LRRTM4: variants seen among roughly 807,000 people sequenced by gnomAD.
The protein encoded by LRRTM4 is leucine-rich repeat transmembrane neuronal protein 4.
Under a neutral mutation model 47.6 loss-of-function variants are expected in LRRTM4, and 25 were observed. The ratio of observed to expected loss-of-function variants is 0.53; its 90% CI spans 0.38 to 0.73. The LOEUF is 0.73. Among genes scored for constraint, LRRTM4 ranks in the 30% least tolerant of loss-of-function variants. LRRTM4 has a pLI of 0.00. For missense variants in LRRTM4, 638 were observed against 713.4 expected (o/e 0.89, Z 1.20); for synonymous variants, 311 against 269.5 (o/e 1.15, Z -1.51).
intron 3 of LRRTM4, among the ~76,000 whole-genome samples, chr2:76,945,907 ATCTGTATATCCC>A (rs1410656995): frequency 6.6e-6 from 1 of 151,982 alleles, no homozygotes; most frequent in Non-Finnish European, 1.5e-5. Flanking sequence ...AATTGTAGAA[ATCTGTATATCCC>A]TTCTCATTCT....
At chr2:77,212,195 ATTACT>A (rs577604316) in intron 3 of LRRTM4, among the ~76,000 whole-genome samples, 286 of 152,148 alleles carry the variant, frequency 1.9e-3, no homozygotes, top group African/African-American at 6.6e-3. Context: ...AGAAAAAAAC[ATTACT>A]TAAAGTTGAT....
At position 76,807,932 on chromosome 2, in the gene LRRTM4, C is replaced by CTTTCTTT. The variant is rs547545547; in HGVS notation, c.1552-59017_1552-59016insAAAGAAA. Among the ~76,000 whole-genome samples, 5 of 123,174 alleles carry CTTTCTTT rather than the reference C, an allele frequency of 4.1e-5. No homozygotes were observed. The East Asian group carries it at 9.0e-4, about 22-fold the overall frequency. 80.8% of individuals were successfully genotyped at this position (123,174 alleles called of 152,430 possible). A position where few individuals can be genotyped will look rare whatever the true frequency, so the allele number is the denominator to read the frequency against. The stretch of plus-strand genomic sequence containing the variant: ...TTCTTTTCTTTCCTTTCTTTCCTTT[C>CTTTCTTT]CTTTCTTTCTTTCTTTCTTTCTTTT... On this transcript the variant is annotated intron_variant, in intron 3 of 3. Coordinates refer to ENST00000409884, the MANE Select transcript of LRRTM4 (RefSeq NM_001134745.3).
intron 3 of LRRTM4, among the ~76,000 whole-genome samples, chr2:76,924,522 T>C (rs1345194601): frequency 6.6e-6 from 1 of 152,012 alleles, no homozygotes; most frequent in East Asian, 1.9e-4. Context: ...AAACTTCCAC[T>C]GTATGGCAAC....
chr2:77,299,101 G>C (rs1481440575), intron 3 of LRRTM4, among the ~76,000 whole-genome samples: 1 of 151,982 alleles, frequency 6.6e-6, no homozygotes, highest in African/African-American at 2.4e-5. Flanking sequence ...TCTGACCAAA[G>C]TATCAACTAA....
At chr2:76,815,541 T>C (rs1335079109) in intron 3 of LRRTM4, among the ~76,000 whole-genome samples, 2 of 152,104 alleles carry the variant, frequency 1.3e-5, no homozygotes, top group Non-Finnish European at 2.9e-5. Context: ...ATCTGACAAA[T>C]AGTGCTATGC....
At chr2:76,908,702 GACAA>G (rs1486540101) in intron 3 of LRRTM4, among the ~76,000 whole-genome samples, 1 of 152,102 alleles carries the variant, frequency 6.6e-6, no homozygotes, top group African/African-American at 2.4e-5. Flanking sequence ...ACCAATAAGA[GACAA>G]ACAGAGAGCC....
chr2:76,799,425 T>A (rs1169913398), intron 3 of LRRTM4, among the ~76,000 whole-genome samples: 1 of 127,240 alleles, frequency 7.9e-6, no homozygotes, highest in African/African-American at 3.3e-5. Context: ...AAACTCTCAA[T>A]AAATTAGGTA....
intron 3 of LRRTM4, among the ~76,000 whole-genome samples, chr2:77,186,496 T>C (rs1054605415): frequency 4.6e-5 from 7 of 152,082 alleles, no homozygotes; most frequent in African/African-American, 1.7e-4. Flanking sequence ...TTAATAAGTG[T>C]TTGCCAAATG....
chr2:77,294,650 A>G (rs1257956186), intron 3 of LRRTM4, among the ~76,000 whole-genome samples: 3 of 152,152 alleles, frequency 2.0e-5, no homozygotes, highest in African/African-American at 4.8e-5. Flanking sequence ...ATAAGACTCA[A>G]GTGTGACCTG....
intron 3 of LRRTM4, among the ~76,000 whole-genome samples, chr2:76,964,370 A>AT (rs1213559752): frequency 6.6e-6 from 1 of 151,008 alleles, no homozygotes; most frequent in African/African-American, 2.4e-5. Context: ...GGAGGAAATA[A>AT]TTTTACAGAT....
intron 3 of LRRTM4, among the ~76,000 whole-genome samples, chr2:77,021,762 T>C (rs1678278641): frequency 6.6e-6 from 1 of 152,140 alleles, no homozygotes; most frequent in Non-Finnish European, 1.5e-5. Context: ...ATTTTGAAAG[T>C]GGTTATTTAG....
At chr2:77,476,731 G>A (rs187438067) in intron 3 of LRRTM4, among the ~76,000 whole-genome samples, 33 of 152,080 alleles carry the variant, frequency 2.2e-4, no homozygotes, top group Non-Finnish European at 3.8e-4. Context: ...GTAATGGACC[G>A]AGTTTTACAA....
intron 3 of LRRTM4, among the ~76,000 whole-genome samples, chr2:76,920,469 G>C (rs1674395564): frequency 6.6e-6 from 1 of 152,054 alleles, no homozygotes; most frequent in South Asian, 2.1e-4. Flanking sequence ...TTTTTCACTT[G>C]TGTGAAAGTC....
At chr2:77,069,681 G>A (rs1003786830) in intron 3 of LRRTM4, among the ~76,000 whole-genome samples, 9 of 151,894 alleles carry the variant, frequency 5.9e-5, no homozygotes, top group African/African-American at 1.9e-4. Flanking sequence ...TCCTAGTTAT[G>A]TACAGCTTCA....
intron 3 of LRRTM4, among the ~76,000 whole-genome samples, chr2:76,899,344 CACACACACAT>C (rs1190180684): frequency 1.0e-3 from 129 of 128,586 alleles, no homozygotes; most frequent in African/African-American, 3.4e-3. Flanking sequence ...CACACACACA[CACACACACAT>C]ATATATATAT....
At chr2:76,866,468 T>C (rs1273926190) in intron 3 of LRRTM4, among the ~76,000 whole-genome samples, 1 of 152,210 alleles carries the variant, frequency 6.6e-6, no homozygotes, top group Non-Finnish European at 1.5e-5. Context: ...CTGTATTTTT[T>C]TCTTCTTTCA....
chr2:76,941,177 C>A (rs1675130164), intron 3 of LRRTM4, among the ~76,000 whole-genome samples: 1 of 151,748 alleles, frequency 6.6e-6, no homozygotes, highest in Non-Finnish European at 1.5e-5. Flanking sequence ...AAAACAAAAA[C>A]AAAAAGGAAA....
intron 3 of LRRTM4, among the ~76,000 whole-genome samples, chr2:77,377,564 T>C (rs1348075760): frequency 6.6e-6 from 1 of 152,028 alleles, no homozygotes; most frequent in East Asian, 1.9e-4. Context: ...TCTGTGTCTC[T>C]GACTTTTAAT....
chr2:77,206,205 G>T lies in LRRTM4; in HGVS notation c.1551+312113C>A, dbSNP rs184895272. ...TTTTTTTTTTTTTTTTTGAAACAGG[G>T]TCTCACTCTGTTGCCCAGGCTGGAA... is the stretch of plus-strand genomic sequence containing the variant. On this transcript the variant is annotated intron_variant, in intron 3 of 3. Coordinates refer to ENST00000409884, the MANE Select transcript of LRRTM4 (RefSeq NM_001134745.3). Among the ~76,000 whole-genome samples, 469 of 148,262 alleles carry T rather than the reference G, an allele frequency of 3.2e-3. 10 individuals carry two copies. Among genetic ancestry groups the T allele is most frequent in the Admixed American group, 0.022 (333 of 14,848 alleles).
Sources: gnomAD v4.1 joint callset for allele counts (sites outside exome capture counted in the v4.1 genomes callset) on GRCh38, gnomAD v4.1.1 for gene constraint, MANE v1.5 for transcripts, NCBI Gene and HGNC (gene_info 2026-07-23, HGNC 2026-07-21) for gene names.